CD38: variants seen among roughly 807,000 people sequenced by gnomAD.
The protein encoded by CD38 is ADP-ribosyl cyclase/cyclic ADP-ribose hydrolase 1.
A neutral mutation model predicts 36.3 loss-of-function variants in CD38; 31 were observed. The observed-to-expected ratio is 0.85, with a 90% CI of 0.64 to 1.15. The LOEUF is 1.15. CD38 is among the 50% of genes most tolerant of loss of function. The probability of loss-of-function intolerance (pLI) is 0.00; values close to 1 mark genes in which losing one functional copy is unlikely to be tolerated. For synonymous variants in CD38, 131 were observed against 135.2 expected (o/e 0.97, Z 0.22); for missense variants, 380 against 371.9 (o/e 1.02, Z -0.18).
intron 1 of CD38, 112 bp from the exon 2 acceptor site, chr4:15,816,399 C>T (rs989063505): frequency 1.2e-6 from 1 of 820,040 alleles, no homozygotes; most frequent in African/African-American, 1.7e-5. Context: ...TATGTATGAA[C>T]TACCTGGCAT....
At chr4:15,807,548 C>G (rs1723368623) in intron 1 of CD38, among the ~76,000 whole-genome samples, 1 of 150,890 alleles carries the variant, frequency 6.6e-6, no homozygotes. Flanking sequence ...TCCTGAGTGT[C>G]AGGGGGGGCT....
At chr4:15,780,536 A>G (rs866860317) in intron 1 of CD38, among the ~76,000 whole-genome samples, 8,981 of 148,498 alleles carry the variant, frequency 0.06, 597 homozygotes, top group African/African-American at 0.15. Flanking sequence ...ACACACACAC[A>G]CACACACACA....
intron 3 of CD38, among the ~76,000 whole-genome samples, chr4:15,830,914 G>A (rs1225948432): frequency 2.0e-5 from 3 of 151,952 alleles, no homozygotes; most frequent in Non-Finnish European, 4.4e-5. Flanking sequence ...CTGCCATTTT[G>A]TTACTTGTTT....
chr4:15,822,773 G>A (rs11942173), intron 2 of CD38, among the ~76,000 whole-genome samples: 1 of 152,178 alleles, frequency 6.6e-6, no homozygotes, highest in African/African-American at 2.4e-5. Flanking sequence ...GTAATTTATA[G>A]ATTCAGTGCT....
rs141733255 is a variant in CD38, at chr4:15,830,523, T to C, written c.500-3694T>C. ...TCTTGAATGGGTAGTTTGCAAATAT[T>C]TTCTCCCATTCTGTGGGCTCTCTCT... On this transcript the variant is annotated intron_variant, in intron 3 of 7. Coordinates refer to ENST00000226279, the MANE Select transcript of CD38 (RefSeq NM_001775.4). Among the ~76,000 whole-genome samples the C allele has an allele frequency of 5.3e-3, 800 of 152,340 alleles. 5 individuals carry two copies. Among genetic ancestry groups the C allele is most frequent in the African/African-American group, 0.018 (759 of 41,590 alleles).
chr4:15,825,084 G>A, intron 3 of CD38, 68 bp downstream of exon 3: 2 of 1,500,086 alleles, frequency 1.3e-6, no homozygotes, highest in Non-Finnish European at 9.0e-7. Flanking sequence ...TCTGCTGGAG[G>A]CCCTGAATGA....
intron 1 of CD38, among the ~76,000 whole-genome samples, chr4:15,784,942 G>A (rs1451257494): frequency 6.6e-6 from 1 of 152,136 alleles, no homozygotes; most frequent in Non-Finnish European, 1.5e-5. Context: ...TGTAGTCCCA[G>A]CTACTCAGGA....
chr4:15,813,515 G>A (rs540718073), intron 1 of CD38, among the ~76,000 whole-genome samples: 8 of 152,190 alleles, frequency 5.3e-5, no homozygotes, highest in African/African-American at 1.4e-4. Flanking sequence ...TGCCATGGTG[G>A]TTTGCTGCAC....
chr4:15,809,511 C>T (rs1205011083), intron 1 of CD38, among the ~76,000 whole-genome samples: 1 of 152,290 alleles, frequency 6.6e-6, no homozygotes, highest in East Asian at 1.9e-4. Context: ...CTGGGGTCTT[C>T]CATTTTCCCC....
chr4:15,805,261 T>C (rs2148919466), intron 1 of CD38, among the ~76,000 whole-genome samples: 1 of 152,314 alleles, frequency 6.6e-6, no homozygotes, highest in East Asian at 1.9e-4. Context: ...GTCCAGTTTG[T>C]TAACTTTTTT....
chr4:15,804,607 A>G (rs1270847629), intron 1 of CD38, among the ~76,000 whole-genome samples: 1 of 152,164 alleles, frequency 6.6e-6, no homozygotes, highest in Non-Finnish European at 1.5e-5. Flanking sequence ...ATGAAATCCT[A>G]TCATTGGTGG....
rs1056489250 is a variant in CD38, at chr4:15,800,257, GT to G, written c.234-16246del. 1.0e-3 allele frequency among the ~76,000 whole-genome samples: 158 copies of G among 151,858 alleles called. No individual in the cohort carries two copies. The Middle Eastern group carries it at 0.017, about 16-fold the overall frequency. Reference sequence around the variant, plus strand: ...TCTTAACTGGCAAGCCACCTTTCGTGTTTTTTTTCCTCTTTCTTTAATTCTT... The same window carrying G: ...TCTTAACTGGCAAGCCACCTTTCGTGTTTTTTTCCTCTTTCTTTAATTCTT... On this transcript the variant is annotated intron_variant, in intron 1 of 7. Transcript: ENST00000226279.
At position 15,811,510 on chromosome 4, in the gene CD38, C is replaced by T. The variant is rs183065095; in HGVS notation, c.234-5001C>T. Among the ~76,000 whole-genome samples, 9 of 151,920 alleles carry T rather than the reference C, an allele frequency of 5.9e-5. No individual in the cohort carries two copies. In the East Asian group the frequency reaches 1.7e-3, roughly 29 times the overall value. Reference sequence around the variant, plus strand: ...TGTGGATATCTTGTTGTCCCTGCACCATTTGTTGAAAAGTGTTGTTTTTTT... The same window carrying T: ...TGTGGATATCTTGTTGTCCCTGCACTATTTGTTGAAAAGTGTTGTTTTTTT... On this transcript the variant is annotated intron_variant, in intron 1 of 7. Transcript: ENST00000226279.
chr4:15,785,795 T>G (rs1314942202), intron 1 of CD38, among the ~76,000 whole-genome samples: 1 of 152,216 alleles, frequency 6.6e-6, no homozygotes, highest in Non-Finnish European at 1.5e-5. Context: ...GGGTTCTTGG[T>G]CTCACTAACT....
chr4:15,815,235 G>T (rs1723571726), intron 1 of CD38, among the ~76,000 whole-genome samples: 1 of 152,132 alleles, frequency 6.6e-6, no homozygotes, highest in Non-Finnish European at 1.5e-5. Context: ...GCTTAGGATT[G>T]TCTTGGCTAT....
chr4:15,819,217 A>G (rs566810774), intron 2 of CD38, among the ~76,000 whole-genome samples: 12 of 152,196 alleles, frequency 7.9e-5, no homozygotes, highest in Non-Finnish European at 1.5e-4. Context: ...TAACATTAGG[A>G]GAAATACCTA....
intron 7 of CD38, among the ~76,000 whole-genome samples, chr4:15,840,995 A>G (rs1016041968): frequency 6.6e-6 from 1 of 152,164 alleles, no homozygotes; most frequent in Non-Finnish European, 1.5e-5. Context: ...CTAACACATG[A>G]CAAGGCGTCA....
At chr4:15,790,329 C>T (rs1490643776) in intron 1 of CD38, among the ~76,000 whole-genome samples, 4 of 152,104 alleles carry the variant, frequency 2.6e-5, no homozygotes, top group East Asian at 3.9e-4. Context: ...CACGCCGCCA[C>T]GCCTGACTGG....
At chr4:15,835,180 C>T (rs1232705262) in intron 4 of CD38, among the ~76,000 whole-genome samples, 1 of 151,940 alleles carries the variant, frequency 6.6e-6, no homozygotes, top group Admixed American at 6.6e-5. Context: ...CCTATCTCCT[C>T]CTCCTCCTAC....
Sources: allele counts gnomAD v4.1 joint callset (sites outside exome capture counted in the v4.1 genomes callset), GRCh38; gene constraint gnomAD v4.1.1; transcripts MANE v1.5; gene names NCBI Gene and HGNC (gene_info 2026-07-23, HGNC 2026-07-21).